Variants in SYPL1 observed in about 807,000 individuals in gnomAD.
SYPL1 encodes synaptophysin-like protein 1.
SYPL1 carries 6 observed loss-of-function variants against 23.7 expected under a neutral mutation model. The observed-to-expected ratio is 0.25, with a 90% CI of 0.14 to 0.50. The LOEUF is 0.50. Ranked by LOEUF, SYPL1 falls within the 20% of genes least tolerant of loss-of-function variation. The pLI is 0.98. For synonymous variants in SYPL1, 102 were observed against 104.5 expected, an observed-to-expected ratio of 0.98 and a Z score of 0.15; for missense variants, 253 against 288.9, an observed-to-expected ratio of 0.88 and a Z score of 0.90.
intron 3 of SYPL1, 111 bp from the exon 4 acceptor site, chr7:106,093,248 G>T: frequency 9.8e-7 from 1 of 1,019,358 alleles, no homozygotes; most frequent in Non-Finnish European, 1.4e-6. Flanking sequence ...GCTGAGAAAT[G>T]GCCTTCATGA....
Position 106,090,957 on chromosome 7 carries a change from G to A in SYPL1, c.*848C>T, listed in dbSNP as rs190619405. On this transcript the variant is annotated 3_prime_UTR_variant, in exon 5 of 5. Coordinates refer to ENST00000455385, the MANE Select transcript of SYPL1 (RefSeq NM_182715.4). ...TTTTTTAACCCTTTGACTAGGGTCT[G>A]TAAAAAACGGTGGATTATTTTACTG... 3 of 152,290 alleles carry A rather than the reference G, an allele frequency of 2.0e-5. No homozygotes were observed. The highest frequency in any genetic ancestry group is 2.0e-4 in the Admixed American group (3 of 15,310). 9.4% of individuals were successfully genotyped at this position (152,290 alleles called of 1,614,324 possible).
upstream of SYPL1, chr7:106,112,396 CTG>C: frequency 8.2e-7 from 1 of 1,212,434 alleles, no homozygotes; most frequent in Non-Finnish European, 1.0e-6. Context: ...GGCTGAGACT[CTG>C]GGGCGGAAAC....
rs1359325944 is a variant in SYPL1 at position 106,111,982 on chromosome 7, C to CGGCCTCCCT, written c.69+149_69+157dup. ...TCTCCGCCCCGCGCGGCCCAGGCCG[C>CGGCCTCCCT]GGCCTCCCTGCCCTCCCTGCCGTCC... On this transcript the variant is annotated intron_variant, in intron 1 of 4. Transcript: ENST00000455385. 5.0e-5 allele frequency: 48 copies of CGGCCTCCCT among 967,582 alleles called. No individual in the cohort carries two copies. In the African/African-American group the frequency reaches 7.4e-4, roughly 15 times the overall value. The allele number at this position is 967,582 out of a possible 1,614,324, so 59.9% of individuals were successfully genotyped here.
At chr7:106,111,890 T>G in intron 1 of SYPL1, 1 of 238,686 alleles carries the variant, frequency 4.2e-6, no homozygotes, top group Non-Finnish European at 7.7e-6. Context: ...GGAGCTCCGG[T>G]GTGGGAGGGT....
chr7:106,112,492 C>T, upstream of SYPL1: 1 of 1,523,930 alleles, frequency 6.6e-7, no homozygotes, highest in Non-Finnish European at 8.8e-7. Context: ...GCCGAGTCGA[C>T]TGATCCGCTG....
At chr7:106,112,023 G>A (rs1479786190) in intron 1 of SYPL1, 117 bp downstream of exon 1, 35 of 1,142,544 alleles carry the variant, frequency 3.1e-5, no homozygotes, top group Non-Finnish European at 3.8e-5. Flanking sequence ...CAGTCCCGGG[G>A]CGGCGGCCTC....
At chr7:106,107,188 A>G (rs528637201) in intron 1 of SYPL1, among the ~76,000 whole-genome samples, 19 of 152,366 alleles carry the variant, frequency 1.2e-4, no homozygotes, top group African/African-American at 4.6e-4. Flanking sequence ...ATGAAATATT[A>G]TAGCACGTTT....
In SYPL1 at chr7:106,112,217, GA is replaced by G; in HGVS notation, c.-10del. On this transcript the variant is annotated 5_prime_UTR_variant, in exon 1 of 5. Coordinates refer to ENST00000455385, the MANE Select transcript of SYPL1 (RefSeq NM_182715.4). ...ATCTGGAAGCCGGACATCCTCTGAG[GA>G]AAGGAGGGAGAGAGAGTCAGGACGA... 1.3e-6 allele frequency: 2 copies of G among 1,540,720 alleles called. No homozygotes were observed. Among genetic ancestry groups the G allele is most frequent in the Admixed American group, 3.6e-5 (2 of 55,844 alleles).
chr7:106,099,001 G>A (rs181031412), intron 2 of SYPL1, among the ~76,000 whole-genome samples, 157 bp downstream of exon 2: 52 of 152,270 alleles, frequency 3.4e-4, no homozygotes, highest in African/African-American at 9.6e-4. Context: ...GACAGGCATG[G>A]GTCTGTGTAC....
At chr7:106,106,795 G>A (rs1840628615) in intron 1 of SYPL1, among the ~76,000 whole-genome samples, 1 of 152,020 alleles carries the variant, frequency 6.6e-6, no homozygotes, top group Admixed American at 6.6e-5. Context: ...GCAATTAGTT[G>A]TGATCGTGCC....
Position 106,097,622 on chromosome 7 carries a change from G to T in SYPL1, c.402+68C>A. On this transcript the variant is annotated intron_variant, in intron 3 of 4. Transcript: ENST00000455385. This position sits in a 1 kb window ranked among gnomAD's most constrained non-coding sequence, Gnocchi z 4.6. ...CTTACACCAAGAATTTTTATTTCCAGTATAAGAAAATCTATATTTAGCTTA... is the reference window on the plus strand; with the variant it reads ...CTTACACCAAGAATTTTTATTTCCATTATAAGAAAATCTATATTTAGCTTA... 7.2e-7 allele frequency: 1 copy of T among 1,382,296 alleles called. No individual in the cohort carries two copies. Among genetic ancestry groups the T allele is most frequent in the Non-Finnish European group, 9.7e-7 (1 of 1,027,338 alleles). 85.6% of individuals were successfully genotyped at this position (1,382,296 alleles called of 1,614,324 possible).
rs6466083 is a variant in SYPL1, at chr7:106,100,754, T to C, written c.70-1472A>G. On this transcript the variant is annotated intron_variant, in intron 1 of 4. Coordinates refer to ENST00000455385, the MANE Select transcript of SYPL1 (RefSeq NM_182715.4). The surrounding 1 kb of genome is among the most constrained non-coding windows in gnomAD (Gnocchi z 5.1). The stretch of plus-strand genomic sequence containing the variant: ...CTGCCCTTGCCCCAGCTTCAGTCTG[T>C]TATCAACACAACAGCCAAGACAATC... 0.48 allele frequency among the ~76,000 whole-genome samples: 72,423 copies of C among 151,998 alleles called. 17,596 individuals carry two copies. The highest frequency in any genetic ancestry group is 0.55 in the Admixed American group (8,327 of 15,272).
In SYPL1 at chr7:106,109,360, T is replaced by G. The variant is rs1303233147; in HGVS notation, c.69+2780A>C. 6.6e-6 allele frequency among the ~76,000 whole-genome samples: 1 copy of G among 152,240 alleles called. No homozygotes were observed. Among genetic ancestry groups the G allele is most frequent in the East Asian group, 1.9e-4 (1 of 5,200 alleles). ...CTACTAAAATCTGGCTTTTTGATTT[T>G]ACTGAAACTGCTCTTGCTAACTAGT... On this transcript the variant is annotated intron_variant, in intron 1 of 4. Transcript: ENST00000455385. The surrounding 1 kb of genome is among the most constrained non-coding windows in gnomAD (Gnocchi z 4.3).
intron 1 of SYPL1, among the ~76,000 whole-genome samples, chr7:106,107,401 T>C (rs1481628588): frequency 6.6e-6 from 1 of 152,230 alleles, no homozygotes; most frequent in Non-Finnish European, 1.5e-5. Flanking sequence ...TGTACAATAG[T>C]AGAAAATTCT....
At position 106,109,049 on chromosome 7, in the gene SYPL1, G is replaced by C. The variant is rs1376539505; in HGVS notation, c.69+3091C>G. On this transcript the variant is annotated intron_variant, in intron 1 of 4. Transcript: ENST00000455385. This position sits in a 1 kb window ranked among gnomAD's most constrained non-coding sequence, Gnocchi z 4.3. ...AAAACAAAAAACCAAAAACAAAAAAGAACAAAAAACCCCCACCAGTTTTAC... is the reference window on the plus strand; with the variant it reads ...AAAACAAAAAACCAAAAACAAAAAACAACAAAAAACCCCCACCAGTTTTAC... Among the ~76,000 whole-genome samples the C allele has an allele frequency of 2.6e-5, 4 of 152,106 alleles. No individual in the cohort carries two copies. Among genetic ancestry groups the C allele is most frequent in the African/African-American group, 4.8e-5 (2 of 41,500 alleles).
Position 106,091,754 on chromosome 7 carries a change from A to C in SYPL1, c.*51T>G. 1 of 1,551,998 alleles carries C rather than the reference A, an allele frequency of 6.4e-7. No homozygotes were observed. The highest frequency in any genetic ancestry group is 8.7e-7 in the Non-Finnish European group (1 of 1,151,112). ...AAATAATGCTTCTCAAGGTGTTGGCAACATGTCATAGTATCAACATATACT... is the reference window on the plus strand; with the variant it reads ...AAATAATGCTTCTCAAGGTGTTGGCCACATGTCATAGTATCAACATATACT... On this transcript the variant is annotated 3_prime_UTR_variant, in exon 5 of 5. Coordinates refer to ENST00000455385, the MANE Select transcript of SYPL1 (RefSeq NM_182715.4). The surrounding 1 kb of genome is among the most constrained non-coding windows in gnomAD (Gnocchi z 5.0).
In SYPL1 at chr7:106,112,173, C is replaced by G; in HGVS notation, c.36G>C (p.Lys12Asn). The G allele has an allele frequency of 6.5e-7, 1 of 1,545,148 alleles. No individual in the cohort carries two copies. Among genetic ancestry groups the G allele is most frequent in the Non-Finnish European group, 8.8e-7 (1 of 1,138,314 alleles). The part of the protein sequence containing the change: ...SGFQINLNPL[K>N]EPLGFIKVLE... Reference sequence around the variant, plus strand: ...GGACCTTGATGAAGCCGAGTGGCTCCTTGAGCGGGTTGAGGTTGATCTGGA... The same window carrying G: ...GGACCTTGATGAAGCCGAGTGGCTCGTTGAGCGGGTTGAGGTTGATCTGGA... Residue 12 changes from lysine (K) to asparagine (N), a missense_variant, in exon 1 of 5, where the codon AAG becomes AAC. Coordinates refer to ENST00000455385, the MANE Select transcript of SYPL1 (RefSeq NM_182715.4).
In SYPL1 at chr7:106,095,332, G is replaced by A. The variant is rs2116086298; in HGVS notation, c.403-2195C>T. 6.6e-6 allele frequency among the ~76,000 whole-genome samples: 1 copy of A among 151,602 alleles called. No homozygotes were observed. On this transcript the variant is annotated intron_variant, in intron 3 of 4. Transcript: ENST00000455385. The surrounding 1 kb of genome is among the most constrained non-coding windows in gnomAD (Gnocchi z 4.3). ...ATATTTGGCTATATCTTAAATTTTG[G>A]GTATCTCAAAAAAAACCTTTTTTTT...
In SYPL1 at chr7:106,095,638, C is replaced by T. The variant is rs1244555223; in HGVS notation, c.402+2052G>A. ...AAGTGCTGGGATTACAGGCATGACCCACTGCACCCAGTCTCTCAAAGAAAA... is the reference window on the plus strand; with the variant it reads ...AAGTGCTGGGATTACAGGCATGACCTACTGCACCCAGTCTCTCAAAGAAAA... On this transcript the variant is annotated intron_variant, in intron 3 of 4. Transcript: ENST00000455385. This position sits in a 1 kb window ranked among gnomAD's most constrained non-coding sequence, Gnocchi z 4.3. Among the ~76,000 whole-genome samples the T allele has an allele frequency of 6.6e-6, 1 of 152,158 alleles. No individual in the cohort carries two copies. Among genetic ancestry groups the T allele is most frequent in the Non-Finnish European group, 1.5e-5 (1 of 68,030 alleles).
Sources: gnomAD v4.1 joint callset for allele counts (sites outside exome capture counted in the v4.1 genomes callset) on GRCh38, gnomAD v4.1.1 for gene constraint, Gnocchi (gnomAD v3.1) non-coding constraint, MANE v1.5 for transcripts, NCBI Gene and HGNC (gene_info 2026-07-23, HGNC 2026-07-21) for gene names.